Variants in RFX7 observed in about 807,000 individuals in gnomAD.
The protein encoded by RFX7 is DNA-binding protein RFX7.
In RFX7, 26 loss-of-function variants were observed where a neutral mutation model predicts 111.8. The observed-to-expected ratio is 0.23, with a 90% confidence interval of 0.17 to 0.32. RFX7 has a LOEUF of 0.32. RFX7 is among the 10% of genes least tolerant of loss of function. RFX7 has a pLI of 1.00. For synonymous variants in RFX7, 624 were observed against 624.4 expected (o/e 1.00, Z 0.01); for missense variants, 1,573 against 1,772.9 (o/e 0.89, Z 2.02).
chr15:56,233,069 C>G (rs190310089), intron 2 of RFX7, among the ~76,000 whole-genome samples: 1 of 152,148 alleles, frequency 6.6e-6, no homozygotes, highest in Non-Finnish European at 1.5e-5. Flanking sequence ...CAGCAGTGCC[C>G]CACTCTACCA....
intron 9 of RFX7, among the ~76,000 whole-genome samples, chr15:56,097,286 T>A (rs979278924): frequency 5.9e-5 from 9 of 152,220 alleles, no homozygotes; most frequent in Non-Finnish European, 1.3e-4. Context: ...GGAGACTGTT[T>A]CCTTATCTAC....
At chr15:56,109,023 C>A (rs1309082742) in intron 5 of RFX7, among the ~76,000 whole-genome samples, 1 of 66,978 alleles carries the variant, frequency 1.5e-5, no homozygotes, top group East Asian at 2.6e-4. Flanking sequence ...CAAACCTTCT[C>A]CCTCTCCCTC....
intron 2 of RFX7, 62 bp downstream of exon 2, chr15:56,243,063 A>AC: frequency 5.5e-6 from 3 of 543,646 alleles, no homozygotes; most frequent in East Asian, 7.5e-5. Context: ...GCCGCCCCCC[A>AC]CCCACTTTGC....
rs1023102144 is a variant in RFX7, at chr15:56,174,613, G to A, written c.195+4657C>T. On this transcript the variant is annotated intron_variant, in intron 3 of 9. Transcript: ENST00000559447. The stretch of plus-strand genomic sequence containing the variant: ...AATACAAAAATTAGTTGGACACGGC[G>A]GTGCATGCCTGTAGTCCCAGCTACT... Among the ~76,000 whole-genome samples, 14 of 151,924 alleles carry A rather than the reference G, an allele frequency of 9.2e-5. No homozygotes were observed. The South Asian group carries it at 1.0e-3, about 11-fold the overall frequency.
At chr15:56,135,098 A>G (rs1158434131) in intron 5 of RFX7, among the ~76,000 whole-genome samples, 1 of 152,214 alleles carries the variant, frequency 6.6e-6, no homozygotes, top group Non-Finnish European at 1.5e-5. Flanking sequence ...TCTTTATAGC[A>G]GCAAGATTTA....
chr15:56,212,382 G>A (rs550477619), intron 2 of RFX7, among the ~76,000 whole-genome samples: 1 of 152,224 alleles, frequency 6.6e-6, no homozygotes, highest in South Asian at 2.1e-4. Context: ...AGAGCACAGA[G>A]GACTTTTAGG....
intron 5 of RFX7, among the ~76,000 whole-genome samples, chr15:56,125,564 C>A (rs1327181720): frequency 1.3e-5 from 2 of 151,062 alleles, no homozygotes; most frequent in African/African-American, 2.4e-5. Context: ...AGAAGTCTTT[C>A]GCATCCTTGG....
chr15:56,166,353 C>T (rs2042781921), intron 3 of RFX7, among the ~76,000 whole-genome samples: 1 of 152,078 alleles, frequency 6.6e-6, no homozygotes, highest in Admixed American at 6.6e-5. Context: ...AATATATAGC[C>T]CTCTTAACCT....
intron 3 of RFX7, among the ~76,000 whole-genome samples, chr15:56,145,236 T>C (rs2042452207): frequency 6.6e-6 from 1 of 152,212 alleles, no homozygotes; most frequent in Non-Finnish European, 1.5e-5. Context: ...ACAAATCCTA[T>C]TATAATAAAA....
chr15:56,148,074 G>T (rs2042509087), intron 3 of RFX7, among the ~76,000 whole-genome samples: 1 of 152,320 alleles, frequency 6.6e-6, no homozygotes, highest in Middle Eastern at 3.4e-3. Context: ...TTTGAATGAG[G>T]TAGCTGATAA....
At chr15:56,210,158 T>C (rs2043297530) in intron 2 of RFX7, among the ~76,000 whole-genome samples, 2 of 152,160 alleles carry the variant, frequency 1.3e-5, no homozygotes, top group South Asian at 2.1e-4. Flanking sequence ...ATGCTAATAC[T>C]AGTCAAAAGA....
chr15:56,194,028 A>G (rs535525548), intron 2 of RFX7, among the ~76,000 whole-genome samples: 56 of 152,292 alleles, frequency 3.7e-4, no homozygotes, highest in African/African-American at 1.3e-3. Context: ...CATATATAAT[A>G]TATAATACAA....
At chr15:56,109,578 C>T (rs1270846568) in intron 5 of RFX7, among the ~76,000 whole-genome samples, 4 of 151,170 alleles carry the variant, frequency 2.6e-5, no homozygotes, top group African/African-American at 7.3e-5. Context: ...TCTGCCCAGC[C>T]GCCATCCCAT....
chr15:56,239,229 T>C (rs1384253858), intron 2 of RFX7, among the ~76,000 whole-genome samples: 2 of 152,194 alleles, frequency 1.3e-5, no homozygotes, highest in African/African-American at 4.8e-5. Flanking sequence ...AATTCATTTA[T>C]GTTTCATATA....
intron 2 of RFX7, among the ~76,000 whole-genome samples, chr15:56,211,793 CATCAGGAAA>C (rs1436000459): frequency 6.6e-6 from 1 of 152,028 alleles, no homozygotes; most frequent in Non-Finnish European, 1.5e-5. Flanking sequence ...TATCATGAGT[CATCAGGAAA>C]ATGCAAACTA....
At chr15:56,237,380 T>G (rs7163562) in intron 2 of RFX7, among the ~76,000 whole-genome samples, 2 of 152,210 alleles carry the variant, frequency 1.3e-5, no homozygotes, top group African/African-American at 4.8e-5. Flanking sequence ...ACTTTGTATA[T>G]AGCAGATACT....
intron 2 of RFX7, among the ~76,000 whole-genome samples, chr15:56,184,830 T>G (rs1035135691): frequency 1.3e-5 from 2 of 152,198 alleles, no homozygotes; most frequent in African/African-American, 4.8e-5. Context: ...TATCTGTTTG[T>G]CCAACATCCC....
At chr15:56,127,214 T>C (rs1268995497) in intron 5 of RFX7, among the ~76,000 whole-genome samples, 1 of 151,896 alleles carries the variant, frequency 6.6e-6, no homozygotes. Context: ...TATGTGAAAA[T>C]TAAATTCCTA....
intron 3 of RFX7, among the ~76,000 whole-genome samples, chr15:56,154,098 A>AGAACTAC (rs1266208428): frequency 6.6e-6 from 1 of 152,038 alleles, no homozygotes; most frequent in African/African-American, 2.4e-5. Flanking sequence ...GATTTCAAGG[A>AGAACTAC]GAACTACAAA....
Sources: allele counts gnomAD v4.1 joint callset (sites outside exome capture counted in the v4.1 genomes callset), GRCh38; gene constraint gnomAD v4.1.1; transcripts MANE v1.5; gene names NCBI Gene and HGNC (gene_info 2026-07-23, HGNC 2026-07-21).